Variants in DNAJA2 observed in about 807,000 individuals in gnomAD.
The protein encoded by DNAJA2 is dnaJ homolog subfamily A member 2.
In DNAJA2, 6 loss-of-function variants were observed where a neutral mutation model predicts 49.3. That is an observed-to-expected ratio of 0.12 (90% CI 0.07 to 0.24). The LOEUF (loss-of-function observed/expected upper bound fraction) is 0.24, where lower values mean the gene tolerates loss of function less well. Ranked by LOEUF, DNAJA2 falls within the 10% of genes least tolerant of loss-of-function variation. The probability of loss-of-function intolerance (pLI) is 1.00; values close to 1 mark genes in which losing one functional copy is unlikely to be tolerated. For missense variants in DNAJA2, 347 were observed against 516.8 expected, an observed-to-expected ratio of 0.67 and a Z score of 3.19; for synonymous variants, 160 against 172.7, an observed-to-expected ratio of 0.93 and a Z score of 0.58.
chr16:46,961,515 C>G (rs1961894791), intron 6 of DNAJA2, among the ~76,000 whole-genome samples: 1 of 151,158 alleles, frequency 6.6e-6, no homozygotes, highest in Non-Finnish European at 1.5e-5. Context: ...ATGATGAAAC[C>G]CCATCTCTAC....
At chr16:46,971,987 T>A in intron 1 of DNAJA2, 32 bp from the exon 2 acceptor site, 1 of 1,469,804 alleles carries the variant, frequency 6.8e-7, no homozygotes, top group Non-Finnish European at 9.5e-7. Context: ...AAAAAGGTTA[T>A]AACTAAACAC....
At chr16:46,965,063 A>G (rs1048222199) in intron 5 of DNAJA2, among the ~76,000 whole-genome samples, 1 of 151,970 alleles carries the variant, frequency 6.6e-6, no homozygotes, top group African/African-American at 2.4e-5. Context: ...ACTACAAATA[A>G]AAAAAGTTAG....
chr16:46,958,412 A>G (rs1413825846), intron 8 of DNAJA2, among the ~76,000 whole-genome samples: 1 of 152,014 alleles, frequency 6.6e-6, no homozygotes, highest in Non-Finnish European at 1.5e-5. Flanking sequence ...TACAAAAACA[A>G]AATTAGCGGG....
At position 46,956,753 on chromosome 16, in the gene DNAJA2, C is replaced by A; in HGVS notation, c.*276G>T. 1 of 311,702 alleles carries A rather than the reference C, an allele frequency of 3.2e-6. No individual in the cohort carries two copies. Among genetic ancestry groups the A allele is most frequent in the Non-Finnish European group, 5.9e-6 (1 of 169,144 alleles). 19.3% of individuals were successfully genotyped at this position (311,702 alleles called of 1,614,324 possible). A position where few individuals can be genotyped will look rare whatever the true frequency, so the allele number is the denominator to read the frequency against. On this transcript the variant is annotated 3_prime_UTR_variant, in exon 9 of 9. Coordinates refer to ENST00000317089, the MANE Select transcript of DNAJA2 (RefSeq NM_005880.4). ...ACTGATAAAAATCAAGCACAGATAC[C>A]AGGATTGAAACTTATAATAATCCAT... is the stretch of plus-strand genomic sequence containing the variant.
chr16:46,958,728 G>A (rs1019845442), intron 8 of DNAJA2: 1 of 297,470 alleles, frequency 3.4e-6, no homozygotes, highest in Non-Finnish European at 6.2e-6. Context: ...ACAGTGAGCC[G>A]AGACTACACC....
chr16:46,958,975 A>G, intron 8 of DNAJA2, 28 bp downstream of exon 8: 1 of 1,560,142 alleles, frequency 6.4e-7, no homozygotes, highest in Non-Finnish European at 8.6e-7. Flanking sequence ...TTGGAAGTCA[A>G]CTGTTGTTTA....
In DNAJA2 at chr16:46,956,872, T is replaced by G; in HGVS notation, c.*157A>C. The G allele has an allele frequency of 1.3e-6, 1 of 759,188 alleles. No homozygotes were observed. The highest frequency in any genetic ancestry group is 2.2e-6 in the Non-Finnish European group (1 of 454,576). The allele number at this position is 759,188 out of a possible 1,614,324, so 47.0% of individuals were successfully genotyped here. A position where few individuals can be genotyped will look rare whatever the true frequency, so the allele number is the denominator to read the frequency against. On this transcript the variant is annotated 3_prime_UTR_variant, in exon 9 of 9. Coordinates refer to ENST00000317089, the MANE Select transcript of DNAJA2 (RefSeq NM_005880.4). The stretch of plus-strand genomic sequence containing the variant: ...AAAGCTTTGTGGTTAGTTTAAATTA[T>G]ACACTCTGTAGATACTATACCAATT...
At chr16:46,969,597 T>C (rs1962017856) in intron 3 of DNAJA2, among the ~76,000 whole-genome samples, 1 of 152,196 alleles carries the variant, frequency 6.6e-6, no homozygotes, top group Admixed American at 6.5e-5. Context: ...CAAGGCAATT[T>C]AGTTGTATTT....
chr16:46,973,246 T>C (rs1329776341), intron 1 of DNAJA2, among the ~76,000 whole-genome samples: 3 of 151,878 alleles, frequency 2.0e-5, no homozygotes, highest in African/African-American at 7.3e-5. Flanking sequence ...TCCCATCGTG[T>C]TTGCGCAGGA....
intron 1 of DNAJA2, 131 bp from the exon 2 acceptor site, chr16:46,972,086 T>C (rs1232971013): frequency 2.9e-6 from 2 of 692,134 alleles, no homozygotes; most frequent in Non-Finnish European, 5.0e-6. Context: ...TTTCTATTCG[T>C]AGGGATTCTT....
chr16:46,964,525 C>T, intron 6 of DNAJA2, 86 bp downstream of exon 6: 1 of 1,339,302 alleles, frequency 7.5e-7, no homozygotes, highest in Non-Finnish European at 1.0e-6. Flanking sequence ...GCTCCAGGGA[C>T]TCCAAACAGA....
Position 46,956,551 on chromosome 16 carries a change from T to A in DNAJA2, c.*478A>T, listed in dbSNP as rs1165051578. On this transcript the variant is annotated 3_prime_UTR_variant, in exon 9 of 9. Coordinates refer to ENST00000317089, the MANE Select transcript of DNAJA2 (RefSeq NM_005880.4). ...TTCCCAGTCAGCTCCAAACCCATTG[T>A]GTGCAAAGCCCATTTTTTTCCATGC... 6.5e-6 allele frequency: 1 copy of A among 153,218 alleles called. No homozygotes were observed. Among genetic ancestry groups the A allele is most frequent in the Non-Finnish European group, 1.5e-5 (1 of 68,468 alleles). 9.5% of individuals were successfully genotyped at this position (153,218 alleles called of 1,614,324 possible). A position where few individuals can be genotyped will look rare whatever the true frequency, so the allele number is the denominator to read the frequency against.
rs776054413 is a variant in DNAJA2, at chr16:46,957,228, A to G, written c.1048-8T>C. 2 of 1,567,436 alleles carry G rather than the reference A, an allele frequency of 1.3e-6. No homozygotes were observed. The highest frequency in any genetic ancestry group is 1.7e-6 in the Non-Finnish European group (2 of 1,161,118). ...CAGAAGATCTTCTAGTTCCTTTATT[A>G]AAACAAACAAAAACCAGGTTGGTTG... On this transcript the variant is annotated splice_region_variant and splice_polypyrimidine_tract_variant and intron_variant, in intron 8 of 8. Coordinates refer to ENST00000317089, the MANE Select transcript of DNAJA2 (RefSeq NM_005880.4).
chr16:46,962,015 C>T (rs1203088152), intron 6 of DNAJA2, among the ~76,000 whole-genome samples: 1 of 151,850 alleles, frequency 6.6e-6, no homozygotes, highest in African/African-American at 2.4e-5. Flanking sequence ...CAAGAAGGAA[C>T]GAGACAAACT....
chr16:46,970,730 C>CAAAAAAAAAAAAAAAAAAAA (rs10523905), intron 3 of DNAJA2, among the ~76,000 whole-genome samples: 2 of 32,200 alleles, frequency 6.2e-5, no homozygotes, highest in African/African-American at 1.0e-4. Flanking sequence ...GACTCCATTT[C>CAAAAAAAAAAAAAAAAAAAA]AAAAAAAAAA....
At chr16:46,965,537 A>C (rs892025792) in intron 5 of DNAJA2, among the ~76,000 whole-genome samples, 2 of 152,164 alleles carry the variant, frequency 1.3e-5, no homozygotes, top group Non-Finnish European at 2.9e-5. Context: ...CGTTCTTCAA[A>C]ATGGTAATAG....
chr16:46,971,289 T>C (rs1962043694), intron 3 of DNAJA2, 60 bp downstream of exon 3: 1 of 1,458,158 alleles, frequency 6.9e-7, no homozygotes. Flanking sequence ...ATCTACTGAG[T>C]CATTATCCCA....
chr16:46,961,695 T>C (rs1158386205), intron 6 of DNAJA2, among the ~76,000 whole-genome samples: 2 of 152,152 alleles, frequency 1.3e-5, no homozygotes, highest in African/African-American at 4.8e-5. Flanking sequence ...AGGATGGTTG[T>C]TGCAGCAGAG....
intron 3 of DNAJA2, among the ~76,000 whole-genome samples, chr16:46,968,941 G>T (rs1004465958): frequency 6.6e-6 from 1 of 152,138 alleles, no homozygotes; most frequent in Non-Finnish European, 1.5e-5. Flanking sequence ...CAGCTACCCA[G>T]GAGGCTGAGG....
Sources: gnomAD v4.1 joint callset for allele counts (sites outside exome capture counted in the v4.1 genomes callset) on GRCh38, gnomAD v4.1.1 for gene constraint, MANE v1.5 for transcripts, NCBI Gene and HGNC (gene_info 2026-07-23, HGNC 2026-07-21) for gene names.